ZC3H11A: variants seen among roughly 807,000 people sequenced by gnomAD.
The protein encoded by ZC3H11A is zinc finger CCCH-type containing 11A.
ZC3H11A carries 22 observed loss-of-function variants against 90.8 expected under a neutral mutation model. That is an observed-to-expected ratio of 0.24 (90% confidence interval 0.17 to 0.35). The LOEUF (loss-of-function observed/expected upper bound fraction) is 0.35, where lower values mean the gene tolerates loss of function less well. ZC3H11A is among the 10% of genes least tolerant of loss of function. ZC3H11A has a pLI of 1.00. For synonymous variants in ZC3H11A, 294 were observed against 339.8 expected (o/e 0.87, Z 1.48); for missense variants, 701 against 964.9 (o/e 0.73, Z 3.62).
intron 1 of ZC3H11A, chr1:203,800,616 T>C: frequency 1.5e-6 from 1 of 646,074 alleles, no homozygotes; most frequent in South Asian, 3.4e-5. Context: ...AATATAATTT[T>C]GATAAAATGA....
intron 15 of ZC3H11A, 94 bp from the exon 16 acceptor site, chr1:203,850,421 A>G (rs1688985793): frequency 4.0e-6 from 6 of 1,498,096 alleles, no homozygotes; most frequent in Non-Finnish European, 5.6e-6. Flanking sequence ...TGGTATTTCT[A>G]GTACTGAAGG....
rs533356702 is a variant in ZC3H11A, at chr1:203,841,869, C to T, written c.1042+1495C>T. On this transcript the variant is annotated intron_variant, in intron 12 of 17. Coordinates refer to ENST00000367210, the MANE Select transcript of ZC3H11A (RefSeq NM_001376342.1). ...GGGGCGGCTGCCGGGCGGAGGGGCT[C>T]CTCACTTCTCAGACGGGGCGGCCGG... is the stretch of plus-strand genomic sequence containing the variant. 2.2e-4 allele frequency among the ~76,000 whole-genome samples: 33 copies of T among 148,262 alleles called. No homozygotes were observed. The South Asian group carries it at 6.8e-3, about 31-fold the overall frequency.
At position 203,818,564 on chromosome 1, in the gene ZC3H11A, T is replaced by G. The variant is rs1420845355; in HGVS notation, c.55-6T>G. ...TACAAATAGAGTGTTCTCTATTTGT[T>G]TACAGGGTGACAGCTGCCCATTCCG... On this transcript the variant is annotated splice_polypyrimidine_tract_variant and splice_region_variant and intron_variant, in intron 3 of 17. Coordinates refer to ENST00000367210, the MANE Select transcript of ZC3H11A (RefSeq NM_001376342.1). The G allele has an allele frequency of 1.9e-6, 3 of 1,614,002 alleles. No homozygotes were observed. The highest frequency in any genetic ancestry group is 2.5e-6 in the Non-Finnish European group (3 of 1,179,930).
At chr1:203,803,840 C>T (rs990284967) in intron 2 of ZC3H11A, among the ~76,000 whole-genome samples, 1 of 152,070 alleles carries the variant, frequency 6.6e-6, no homozygotes, top group Non-Finnish European at 1.5e-5. Flanking sequence ...CTCCTGGGTT[C>T]AAGCAGTCTT....
At chr1:203,820,237 G>GAA (rs542435423) in intron 4 of ZC3H11A, among the ~76,000 whole-genome samples, 11 of 102,950 alleles carry the variant, frequency 1.1e-4, no homozygotes, top group Non-Finnish European at 1.5e-4. Flanking sequence ...TCCATCTCAA[G>GAA]AAAAAAAAAA....
At chr1:203,798,964 A>C in intron 1 of ZC3H11A, 2 of 1,536,088 alleles carry the variant, frequency 1.3e-6, no homozygotes, top group Non-Finnish European at 1.7e-6. Flanking sequence ...CAAAAGATAC[A>C]CCTGACTGTT....
chr1:203,798,106 G>C lies in ZC3H11A; in HGVS notation c.-1588+2312G>C, dbSNP rs1234598971. 3.3e-6 allele frequency: 5 copies of C among 1,536,034 alleles called. No homozygotes were observed. The highest frequency in any genetic ancestry group is 4.4e-6 in the Non-Finnish European group (5 of 1,146,922). On this transcript the variant is annotated intron_variant, in intron 1 of 17. Transcript: ENST00000367210. ...GCCAACAAGTTTGGAGTTGCTAGTG[G>C]AGAGGAGGACTTTACCTTGGATGTG...
At chr1:203,806,847 T>TTG (rs35164394) in intron 2 of ZC3H11A, among the ~76,000 whole-genome samples, 5 of 148,804 alleles carry the variant, frequency 3.4e-5, no homozygotes, top group Non-Finnish European at 7.5e-5. Flanking sequence ...TTTTTTTTTT[T>TTG]GCTATTTTAC....
At chr1:203,848,189 CT>C (rs1187088513) in intron 13 of ZC3H11A, 141 bp from the exon 14 acceptor site, 14 of 715,298 alleles carry the variant, frequency 2.0e-5, no homozygotes, top group Non-Finnish European at 3.0e-5. Context: ...TATTTTGAGA[CT>C]TTAGGAGCAC....
rs2103492148 is a variant in ZC3H11A, at chr1:203,853,446, T to C, written c.*1047T>C. ...CTGCCAGTTTTCTTCATTTCTGAAT[T>C]GAGTTTTCTTTTCTTGATGTTGGTT... On this transcript the variant is annotated 3_prime_UTR_variant, in exon 18 of 18. Coordinates refer to ENST00000367210, the MANE Select transcript of ZC3H11A (RefSeq NM_001376342.1). 6.5e-6 allele frequency: 1 copy of C among 152,696 alleles called. No homozygotes were observed. Among genetic ancestry groups the C allele is most frequent in the African/African-American group, 2.4e-5 (1 of 41,542 alleles). The allele number at this position is 152,696 out of a possible 1,614,324, so 9.5% of individuals were successfully genotyped here.
At chr1:203,825,325 A>G (rs1015395162) in intron 4 of ZC3H11A, among the ~76,000 whole-genome samples, 2 of 152,108 alleles carry the variant, frequency 1.3e-5, no homozygotes. Context: ...GAACATAACT[A>G]CTGCAAATAA....
intron 5 of ZC3H11A, 127 bp downstream of exon 5, chr1:203,828,549 G>C: frequency 8.3e-7 from 1 of 1,204,144 alleles, no homozygotes; most frequent in Non-Finnish European, 1.2e-6. Flanking sequence ...CCACTTTACA[G>C]ATAAGTGAAC....
At chr1:203,796,203 A>G (rs1668431581) in intron 1 of ZC3H11A, 1 of 385,694 alleles carries the variant, frequency 2.6e-6, no homozygotes, top group African/African-American at 2.1e-5. Context: ...CTTCGGGGCA[A>G]CAGTTTCTCT....
chr1:203,819,807 T>C (rs1019176510), intron 4 of ZC3H11A, among the ~76,000 whole-genome samples: 1 of 151,420 alleles, frequency 6.6e-6, no homozygotes, highest in Non-Finnish European at 1.5e-5. Context: ...GTGCTGGGAT[T>C]ACAGGCATGA....
At chr1:203,835,403 A>G (rs1205298530) in intron 10 of ZC3H11A, among the ~76,000 whole-genome samples, 1 of 152,256 alleles carries the variant, frequency 6.6e-6, no homozygotes. Flanking sequence ...ATTACACGTT[A>G]TACAGTCATT....
chr1:203,799,535 A>G (rs1322698908), intron 1 of ZC3H11A: 3 of 702,894 alleles, frequency 4.3e-6, no homozygotes, highest in Non-Finnish European at 7.8e-6. Flanking sequence ...GTCTTGGTAG[A>G]GCCAGTGGAG....
In ZC3H11A at chr1:203,818,695, T is replaced by A; in HGVS notation, c.174+6T>A. 6.2e-7 allele frequency: 1 copy of A among 1,614,028 alleles called. No individual in the cohort carries two copies. Among genetic ancestry groups the A allele is most frequent in the Non-Finnish European group, 8.5e-7 (1 of 1,179,994 alleles). On this transcript the variant is annotated splice_donor_region_variant and intron_variant, in intron 4 of 17. Coordinates refer to ENST00000367210, the MANE Select transcript of ZC3H11A (RefSeq NM_001376342.1). ...TTCGGCACATGGAGATTGATGTAAG[T>A]TTTTTATTTCCGTTATCATAATAAG...
chr1:203,820,118 C>T (rs1296243213), intron 4 of ZC3H11A, among the ~76,000 whole-genome samples: 1 of 151,558 alleles, frequency 6.6e-6, no homozygotes, highest in Admixed American at 6.6e-5. Flanking sequence ...GTCTGTAATC[C>T]CAGCTATTCA....
In ZC3H11A at chr1:203,829,508, C is replaced by T. The variant is rs1332120001; in HGVS notation, c.356C>T (p.Ser119Leu). The change falls in exon 6 of 18, where the codon TCA becomes TTA. Residue 119 changes from serine to leucine, a missense_variant. Coordinates refer to ENST00000367210, the MANE Select transcript of ZC3H11A (RefSeq NM_001376342.1). ...GAGGAAGTGAAGGCTAGCCAACTTT[C>T]AGTTCAGCAGAACAAATTGTCTGTC... ...PEEEVKASQL[S>L]VQQNKLSVQS... 1.2e-6 allele frequency: 2 copies of T among 1,614,024 alleles called. No homozygotes were observed. Among genetic ancestry groups the T allele is most frequent in the African/African-American group, 2.7e-5 (2 of 75,042 alleles).
Sources: gnomAD v4.1 joint callset for allele counts (sites outside exome capture counted in the v4.1 genomes callset) on GRCh38, gnomAD v4.1.1 for gene constraint, MANE v1.5 for transcripts, NCBI Gene and HGNC (gene_info 2026-07-23, HGNC 2026-07-21) for gene names.